Variants in ADAMTS2 observed in about 807,000 individuals in gnomAD.
ADAMTS2 encodes the protein ADAM metallopeptidase with thrombospondin type 1 motif 2.
ADAMTS2 carries 50 observed loss-of-function variants against 123.0 expected under a neutral mutation model. The ratio of observed to expected loss-of-function variants is 0.41; its 90% CI spans 0.32 to 0.51. The LOEUF is 0.51. Among genes scored for constraint, ADAMTS2 ranks in the 20% least tolerant of loss-of-function variants. ADAMTS2 has a pLI of 0.35. For missense variants in ADAMTS2, 1,494 were observed against 1,705.2 expected (o/e 0.88, Z 2.18); for synonymous variants, 678 against 695.4 (o/e 0.98, Z 0.39).
At chr5:179,179,011 C>A (rs1277115993) in intron 5 of ADAMTS2, among the ~76,000 whole-genome samples, 1 of 152,172 alleles carries the variant, frequency 6.6e-6, no homozygotes, top group Non-Finnish European at 1.5e-5. Flanking sequence ...GTGGTGTGAT[C>A]TCAGCTCACT....
chr5:179,139,354 GA>G (rs1326515004), intron 11 of ADAMTS2, among the ~76,000 whole-genome samples: 1 of 151,978 alleles, frequency 6.6e-6, no homozygotes, highest in Non-Finnish European at 1.5e-5. Flanking sequence ...GGAGGAATGA[GA>G]AGGGGCAGGA....
chr5:179,188,450 T>C lies in ADAMTS2; in HGVS notation c.892-7295A>G, dbSNP rs1449848780. Reference sequence around the variant, plus strand: ...CCTCCGTGGAGGAAGAGTTTAGGCATTGCATGGTGCCTAAACGGGGCTGCC... The same window carrying C: ...CCTCCGTGGAGGAAGAGTTTAGGCACTGCATGGTGCCTAAACGGGGCTGCC... On this transcript the variant is annotated intron_variant, in intron 4 of 21. Transcript: ENST00000251582. This position sits in a 1 kb window ranked among gnomAD's most constrained non-coding sequence, Gnocchi z 5.1. 6.6e-6 allele frequency among the ~76,000 whole-genome samples: 1 copy of C among 152,158 alleles called. No individual in the cohort carries two copies. The highest frequency in any genetic ancestry group is 2.4e-5 in the African/African-American group (1 of 41,442).
intron 3 of ADAMTS2, among the ~76,000 whole-genome samples, chr5:179,216,547 G>A (rs1270010320): frequency 6.6e-6 from 1 of 152,170 alleles, no homozygotes; most frequent in Non-Finnish European, 1.5e-5. Context: ...GCCCTACCAG[G>A]TGCCTGACTG....
At chr5:179,284,183 G>A (rs1755932222) in intron 2 of ADAMTS2, among the ~76,000 whole-genome samples, 1 of 150,384 alleles carries the variant, frequency 6.6e-6, no homozygotes, top group South Asian at 2.1e-4. Flanking sequence ...ACAAAAATTA[G>A]CCGGGCTTGG....
chr5:179,154,252 C>T, intron 7 of ADAMTS2, 60 bp from the exon 8 acceptor site: 1 of 1,534,324 alleles, frequency 6.5e-7, no homozygotes, highest in Non-Finnish European at 8.7e-7. Context: ...CAGTCCCACC[C>T]CACCCCGATG....
At chr5:179,172,501 G>A (rs190876995) in intron 5 of ADAMTS2, among the ~76,000 whole-genome samples, 1 of 152,348 alleles carries the variant, frequency 6.6e-6, no homozygotes, top group East Asian at 1.9e-4. Flanking sequence ...AGGGGCGTGG[G>A]CTTCTCATGC....
At chr5:179,226,971 T>C (rs1482321590) in intron 3 of ADAMTS2, among the ~76,000 whole-genome samples, 1 of 152,146 alleles carries the variant, frequency 6.6e-6, no homozygotes, top group African/African-American at 2.4e-5. Context: ...GTCCAAGACA[T>C]GTTCCCTGAT....
intron 3 of ADAMTS2, among the ~76,000 whole-genome samples, chr5:179,227,472 G>T (rs565823727): frequency 6.6e-6 from 1 of 152,142 alleles, no homozygotes; most frequent in African/African-American, 2.4e-5. Flanking sequence ...GTCTGGCACC[G>T]ATCTGCTTGG....
At position 179,303,092 on chromosome 5, in the gene ADAMTS2, A is replaced by G. The variant is rs13185260; in HGVS notation, c.535-30028T>C. Among the ~76,000 whole-genome samples, 1 of 152,016 alleles carries G rather than the reference A, an allele frequency of 6.6e-6. No homozygotes were observed. Among genetic ancestry groups the G allele is most frequent in the Non-Finnish European group, 1.5e-5 (1 of 67,990 alleles). ...GGAGATTGGATTTTCTCCTCTGTGC[A>G]GTGGGCAGCCCCTGGAGGGTGGAAG... On this transcript the variant is annotated intron_variant, in intron 2 of 21. Coordinates refer to ENST00000251582, the MANE Select transcript of ADAMTS2 (RefSeq NM_014244.5). This position sits in a 1 kb window ranked among gnomAD's most constrained non-coding sequence, Gnocchi z 4.7.
At chr5:179,306,684 G>A (rs1756682108) in intron 2 of ADAMTS2, among the ~76,000 whole-genome samples, 1 of 152,128 alleles carries the variant, frequency 6.6e-6, no homozygotes, top group Admixed American at 6.5e-5. Context: ...TGGGGAAGGT[G>A]GATGTCCAGG....
chr5:179,318,053 C>A (rs1757052120), intron 2 of ADAMTS2, among the ~76,000 whole-genome samples: 1 of 152,214 alleles, frequency 6.6e-6, no homozygotes, highest in South Asian at 2.1e-4. Context: ...AGGCTTCACC[C>A]TGGCCACGTC....
chr5:179,167,876 T>C lies in ADAMTS2; in HGVS notation c.976-8997A>G, dbSNP rs373104325. Among the ~76,000 whole-genome samples, 218 of 152,302 alleles carry C rather than the reference T, an allele frequency of 1.4e-3. 1 individual carries two copies. The highest frequency in any genetic ancestry group is 5.2e-3 in the African/African-American group (216 of 41,580). ...CCCACAAATGTCCCTTGTCCTTGTC[T>C]CTGCCGTGCTGTTGATACTGATGGA... On this transcript the variant is annotated intron_variant, in intron 5 of 21. Transcript: ENST00000251582.
intron 4 of ADAMTS2, among the ~76,000 whole-genome samples, chr5:179,198,271 A>C (rs2113352876): frequency 6.6e-6 from 1 of 152,334 alleles, no homozygotes; most frequent in African/African-American, 2.4e-5. Flanking sequence ...GAGCAGAATG[A>C]AGGCAGAGGG....
intron 5 of ADAMTS2, among the ~76,000 whole-genome samples, chr5:179,159,269 C>T (rs114355563): frequency 0.017 from 2,605 of 152,288 alleles, 28 homozygotes; most frequent in Non-Finnish European, 0.028. Flanking sequence ...GTGGACCTCA[C>T]CCCAAAGAGC....
chr5:179,187,900 G>A (rs1302743594), intron 4 of ADAMTS2, among the ~76,000 whole-genome samples: 1 of 152,248 alleles, frequency 6.6e-6, no homozygotes, highest in Non-Finnish European at 1.5e-5. Flanking sequence ...TAGACAATGA[G>A]GAAGGAGCGG....
intron 3 of ADAMTS2, among the ~76,000 whole-genome samples, chr5:179,217,818 A>AG (rs1765025771): frequency 1.5e-5 from 1 of 68,106 alleles, no homozygotes; most frequent in Admixed American, 1.5e-4. Context: ...CACACTCACT[A>AG]GGGGATGGCC....
chr5:179,158,242 G>A lies in ADAMTS2; in HGVS notation c.1132+481C>T, dbSNP rs1287517560. Among the ~76,000 whole-genome samples the A allele has an allele frequency of 6.6e-6, 1 of 152,134 alleles. No homozygotes were observed. The highest frequency in any genetic ancestry group is 1.5e-5 in the Non-Finnish European group (1 of 68,026). ...CGACTCCCAAAGTGCTGGGATTACA[G>A]GTGTGAACCACCGCGCCCGGCCTTT... is the stretch of plus-strand genomic sequence containing the variant. On this transcript the variant is annotated intron_variant, in intron 6 of 21. Coordinates refer to ENST00000251582, the MANE Select transcript of ADAMTS2 (RefSeq NM_014244.5). The surrounding 1 kb of genome is among the most constrained non-coding windows in gnomAD (Gnocchi z 5.0).
chr5:179,244,763 C>A (rs1765743952), intron 3 of ADAMTS2, among the ~76,000 whole-genome samples: 1 of 152,112 alleles, frequency 6.6e-6, no homozygotes, highest in East Asian at 1.9e-4. Flanking sequence ...AACACAGCTA[C>A]TGGAGTAAAA....
chr5:179,165,328 T>A (rs900694848), intron 5 of ADAMTS2, among the ~76,000 whole-genome samples: 6 of 152,190 alleles, frequency 3.9e-5, no homozygotes, highest in Non-Finnish European at 2.9e-5. Flanking sequence ...ACATTTCTCA[T>A]ATATGGATCT....
Sources: allele counts gnomAD v4.1 joint callset (sites outside exome capture counted in the v4.1 genomes callset), GRCh38; gene constraint gnomAD v4.1.1; non-coding constraint Gnocchi (gnomAD v3.1); transcripts MANE v1.5; gene names NCBI Gene and HGNC (gene_info 2026-07-23, HGNC 2026-07-21).